DCTN4: variants seen among roughly 807,000 people sequenced by gnomAD.
The protein encoded by DCTN4 is dynactin subunit 4.
In DCTN4, 23 loss-of-function variants were observed where a neutral mutation model predicts 62.7. That is an observed-to-expected ratio of 0.37 (90% CI 0.26 to 0.52). DCTN4 has a LOEUF of 0.52. Among genes scored for constraint, DCTN4 ranks in the 20% least tolerant of loss-of-function variants. The probability of loss-of-function intolerance (pLI) is 0.92; values close to 1 mark genes in which losing one functional copy is unlikely to be tolerated. For synonymous variants in DCTN4, 199 were observed against 202.1 expected, an observed-to-expected ratio of 0.98 and a Z score of 0.13; for missense variants, 514 against 580.4, an observed-to-expected ratio of 0.89 and a Z score of 1.18.
chr5:150,745,824 C>A lies in DCTN4; in HGVS notation c.386-3667G>T, dbSNP rs564972527. Among the ~76,000 whole-genome samples the A allele has an allele frequency of 6.7e-3, 1,016 of 151,778 alleles. 12 individuals are homozygous for A. The highest frequency in any genetic ancestry group is 0.023 in the African/African-American group (965 of 41,316). On this transcript the variant is annotated intron_variant, in intron 3 of 12. Transcript: ENST00000447998. ...GAGGGAAATTTATAGCACTAAATGC[C>A]CACAAGAGAAACCAGGAAAGATCCA...
chr5:150,758,817 C>G (rs113072673), intron 1 of DCTN4, 42 bp downstream of exon 1: 1 of 1,565,990 alleles, frequency 6.4e-7, no homozygotes, highest in South Asian at 1.1e-5. Flanking sequence ...GAACGCCGCG[C>G]CCCCCCCACC....
Position 150,727,011 on chromosome 5 carries a change from G to C in DCTN4, c.834+3620C>G, listed in dbSNP as rs73278037. 9.8e-3 allele frequency among the ~76,000 whole-genome samples: 1,497 copies of C among 152,216 alleles called. 26 individuals carry two copies. The highest frequency in any genetic ancestry group is 0.035 in the African/African-American group (1,433 of 41,526). ...GTCTTGACCTGAAGCACAAACCCCA[G>C]GTACTTAATGTTTTTAATAATATGG... is the stretch of plus-strand genomic sequence containing the variant. On this transcript the variant is annotated intron_variant, in intron 8 of 12. Transcript: ENST00000447998.
At position 150,708,776 on chromosome 5, in the gene DCTN4, T is replaced by C. The variant is rs1759461336; in HGVS notation, c.*2373A>G. ...GCTTTGTCTGCTTTATTTCACTACA[T>C]TAAGTTAAGCAATAAGGCAAAACAG... On this transcript the variant is annotated 3_prime_UTR_variant, in exon 13 of 13. Transcript: ENST00000447998. 1 of 152,798 alleles carries C rather than the reference T, an allele frequency of 6.5e-6. No homozygotes were observed. Among genetic ancestry groups the C allele is most frequent in the South Asian group, 2.1e-4 (1 of 4,834 alleles). 9.5% of individuals were successfully genotyped at this position (152,798 alleles called of 1,614,324 possible).
rs560239469 is a variant in DCTN4 at position 150,726,562 on chromosome 5, T to C, written c.835-3582A>G. On this transcript the variant is annotated intron_variant, in intron 8 of 12. Coordinates refer to ENST00000447998, the MANE Select transcript of DCTN4 (RefSeq NM_016221.4). ...CCATTAAAAACCATTATAATGTTTT[T>C]AATAGTATCAGCTGGCACTTAAATA... 4.6e-5 allele frequency among the ~76,000 whole-genome samples: 7 copies of C among 152,340 alleles called. No individual in the cohort carries two copies. The South Asian group carries it at 6.2e-4, about 14-fold the overall frequency.
At chr5:150,731,654 A>T in intron 5 of DCTN4, 165 bp from the exon 6 acceptor site, 1 of 643,564 alleles carries the variant, frequency 1.6e-6, no homozygotes, top group Non-Finnish European at 2.7e-6. Context: ...GCCCCACATC[A>T]TTATTCTATT....
intron 2 of DCTN4, among the ~76,000 whole-genome samples, chr5:150,754,942 G>A (rs1040170010): frequency 1.3e-5 from 2 of 150,312 alleles, no homozygotes; most frequent in Non-Finnish European, 2.9e-5. Flanking sequence ...CAACCTAGGC[G>A]CCAAAGTGAG....
chr5:150,746,270 T>C (rs1760958551), intron 3 of DCTN4, among the ~76,000 whole-genome samples: 1 of 148,086 alleles, frequency 6.8e-6, no homozygotes, highest in African/African-American at 2.7e-5. Context: ...AATAGACCAA[T>C]AACAGGCTCT....
intron 7 of DCTN4, 57 bp from the exon 8 acceptor site, chr5:150,730,797 T>C: frequency 7.0e-7 from 1 of 1,420,920 alleles, no homozygotes; most frequent in African/African-American, 1.4e-5. Flanking sequence ...AATCAGACTT[T>C]TATGTACCAG....
At chr5:150,745,845 A>T (rs1220617783) in intron 3 of DCTN4, among the ~76,000 whole-genome samples, 1 of 152,180 alleles carries the variant, frequency 6.6e-6, no homozygotes, top group Non-Finnish European at 1.5e-5. Context: ...ACCAGGAAAG[A>T]TCCAAAATTG....
chr5:150,756,555 T>A, intron 1 of DCTN4, 68 bp from the exon 2 acceptor site: 1 of 967,408 alleles, frequency 1.0e-6, no homozygotes, highest in Non-Finnish European at 1.5e-6. Context: ...ATATGTCTTG[T>A]CAAATAGTGA....
chr5:150,755,321 A>G (rs1343712682), intron 2 of DCTN4, among the ~76,000 whole-genome samples: 3 of 152,254 alleles, frequency 2.0e-5, no homozygotes, highest in Non-Finnish European at 1.5e-5. Context: ...GTCCTCAAGG[A>G]CAGGGGAGCA....
intron 3 of DCTN4, among the ~76,000 whole-genome samples, chr5:150,748,107 T>C (rs1170557932): frequency 1.3e-5 from 2 of 150,860 alleles, no homozygotes; most frequent in Non-Finnish European, 3.0e-5. Context: ...AAAAACAACC[T>C]CATCAAAAAG....
chr5:150,715,802 C>CA, intron 11 of DCTN4, 140 bp from the exon 12 acceptor site: 1 of 657,202 alleles, frequency 1.5e-6, no homozygotes, highest in Non-Finnish European at 2.6e-6. Flanking sequence ...TTTATAAGAA[C>CA]AAAGGTTTTA....
Position 150,711,134 on chromosome 5 carries a change from C to T in DCTN4, c.*15G>A, listed in dbSNP as rs747380320. On this transcript the variant is annotated 3_prime_UTR_variant, in exon 13 of 13. Coordinates refer to ENST00000447998, the MANE Select transcript of DCTN4 (RefSeq NM_016221.4). The stretch of plus-strand genomic sequence containing the variant: ...GTGATACTGTCCTTTGGGATCTGCC[C>T]TCCAGTGGAACCTTTTAAGGAAGAA... 2 of 1,611,006 alleles carry T rather than the reference C, an allele frequency of 1.2e-6. No individual in the cohort carries two copies. Among genetic ancestry groups the T allele is most frequent in the Non-Finnish European group, 1.7e-6 (2 of 1,178,928 alleles).
chr5:150,734,053 A>T (rs1260882545), intron 4 of DCTN4: 1 of 152,148 alleles, frequency 6.6e-6, no homozygotes, highest in East Asian at 1.9e-4. Flanking sequence ...TTAGCTGGGC[A>T]TGGTGGTGTA....
chr5:150,745,995 A>G (rs1760947331), intron 3 of DCTN4, among the ~76,000 whole-genome samples: 1 of 151,638 alleles, frequency 6.6e-6, no homozygotes, highest in East Asian at 1.9e-4. Context: ...AAATTAATGA[A>G]TCCAGGAGCT....
chr5:150,757,966 TA>T (rs959665022), intron 1 of DCTN4: 15 of 707,818 alleles, frequency 2.1e-5, no homozygotes, highest in African/African-American at 1.6e-4. Flanking sequence ...AAAAATTTTT[TA>T]AAAAAAGTAT....
chr5:150,756,564 G>C lies in DCTN4; in HGVS notation c.136-77C>G. On this transcript the variant is annotated intron_variant, in intron 1 of 12. Coordinates refer to ENST00000447998, the MANE Select transcript of DCTN4 (RefSeq NM_016221.4). ...TTGTGTATATGTCTTGTCAAATAGT[G>C]AATTTTAAAATATGTTATACTGTAG... is the stretch of plus-strand genomic sequence containing the variant. The C allele has an allele frequency of 3.4e-6, 3 of 885,918 alleles. No homozygotes were observed. The South Asian group carries it at 5.5e-5, about 16-fold the overall frequency. The allele number at this position is 885,918 out of a possible 1,614,324, so 54.9% of individuals were successfully genotyped here.
At chr5:150,721,764 C>A (rs546023072) in intron 9 of DCTN4, among the ~76,000 whole-genome samples, 14 of 152,218 alleles carry the variant, frequency 9.2e-5, no homozygotes, top group Non-Finnish European at 1.8e-4. Context: ...GTCATGACTG[C>A]CAAATATTCT....
Sources: allele counts gnomAD v4.1 joint callset (sites outside exome capture counted in the v4.1 genomes callset), GRCh38; gene constraint gnomAD v4.1.1; transcripts MANE v1.5; gene names NCBI Gene and HGNC (gene_info 2026-07-23, HGNC 2026-07-21).